The following AUTS2 variants were observed in gnomAD, a reference collection of about 807,000 sequenced individuals.
AUTS2 encodes activator of transcription and developmental regulator AUTS2.
In AUTS2, 17 loss-of-function variants were observed where a neutral mutation model predicts 112.4. The ratio of observed to expected loss-of-function variants is 0.15; its 90% CI spans 0.10 to 0.23. The LOEUF (loss-of-function observed/expected upper bound fraction) is 0.23. Among genes scored for constraint, AUTS2 ranks in the 10% least tolerant of loss-of-function variants. The pLI is 1.00. For missense variants in AUTS2, 1,510 were observed against 1,701.6 expected, an observed-to-expected ratio of 0.89 and a Z score of 1.98; for synonymous variants, 751 against 702.7, an observed-to-expected ratio of 1.07 and a Z score of -1.09.
At chr7:69,807,807 C>T (rs563568482) in intron 1 of AUTS2, among the ~76,000 whole-genome samples, 5 of 152,104 alleles carry the variant, frequency 3.3e-5, no homozygotes, top group Admixed American at 6.5e-5. Context: ...GTTTTACCAG[C>T]GTGACTGATT....
intron 5 of AUTS2, among the ~76,000 whole-genome samples, chr7:70,560,967 C>A (rs1801461818): frequency 6.6e-6 from 1 of 152,102 alleles, no homozygotes; most frequent in East Asian, 1.9e-4. Context: ...GGATGTAAAT[C>A]ATCGTATTGG....
At chr7:70,444,323 T>G (rs965831725) in intron 5 of AUTS2, among the ~76,000 whole-genome samples, 30 of 150,732 alleles carry the variant, frequency 2.0e-4, no homozygotes, top group African/African-American at 7.3e-4. Flanking sequence ...TCAATGAAGA[T>G]AGAACTTTTT....
intron 6 of AUTS2, 33 bp from the exon 7 acceptor site, chr7:70,762,837 C>T (rs1563179791): frequency 6.8e-7 from 1 of 1,467,630 alleles, no homozygotes; most frequent in Non-Finnish European, 9.5e-7. Flanking sequence ...CATGTCATTG[C>T]CTGTGGTTTT....
chr7:69,813,366 G>A (rs1354753710), intron 1 of AUTS2, among the ~76,000 whole-genome samples: 1 of 152,142 alleles, frequency 6.6e-6, no homozygotes, highest in Non-Finnish European at 1.5e-5. Flanking sequence ...TTGTGAATAA[G>A]CATTGCCCAG....
At chr7:70,771,498 C>G in intron 10 of AUTS2, 51 bp from the exon 11 acceptor site, 4 of 1,474,754 alleles carry the variant, frequency 2.7e-6, no homozygotes, top group Non-Finnish European at 3.8e-6. Flanking sequence ...TTGAATATGT[C>G]ACTTGCCTCC....
intron 6 of AUTS2, among the ~76,000 whole-genome samples, chr7:70,707,264 G>A (rs1184960011): frequency 6.6e-6 from 1 of 152,172 alleles, no homozygotes; most frequent in Admixed American, 6.5e-5. Flanking sequence ...TGAATAGCTA[G>A]CATTTATTGA....
chr7:69,967,220 G>A (rs1797667086), intron 2 of AUTS2, among the ~76,000 whole-genome samples: 1 of 152,106 alleles, frequency 6.6e-6, no homozygotes, highest in African/African-American at 2.4e-5. Context: ...AATAATGTTT[G>A]GCCAGGTGTT....
intron 4 of AUTS2, among the ~76,000 whole-genome samples, chr7:70,236,435 G>A (rs1479178909): frequency 6.6e-6 from 1 of 152,072 alleles, no homozygotes; most frequent in Admixed American, 6.6e-5. Flanking sequence ...ATTTTGGGGG[G>A]AACTAAAAAG....
intron 1 of AUTS2, among the ~76,000 whole-genome samples, chr7:69,874,294 G>T (rs1269782424): frequency 2.6e-5 from 4 of 152,172 alleles, no homozygotes; most frequent in Non-Finnish European, 4.4e-5. Context: ...AGTTTAGCAT[G>T]TCTGGAGTAT....
intron 4 of AUTS2, among the ~76,000 whole-genome samples, chr7:70,306,432 G>A (rs940605311): frequency 6.6e-6 from 1 of 152,164 alleles, no homozygotes; most frequent in African/African-American, 2.4e-5. Context: ...CTTTAGTTGG[G>A]CATGACAAGA....
At chr7:70,130,686 A>G (rs1584767133) in intron 3 of AUTS2, among the ~76,000 whole-genome samples, 1 of 100,748 alleles carries the variant, frequency 9.9e-6, no homozygotes, top group African/African-American at 3.5e-5. Context: ...GTCAAATATG[A>G]AAAAAAAAAA....
In AUTS2 at chr7:70,633,899, G is replaced by A. The variant is rs185374022; in HGVS notation, c.691-64670G>A. Among the ~76,000 whole-genome samples, 207 of 152,196 alleles carry A rather than the reference G, an allele frequency of 1.4e-3. 3 individuals carry two copies. The highest frequency in any genetic ancestry group is 4.7e-3 in the African/African-American group (194 of 41,502). Reference sequence around the variant, plus strand: ...ATGTGGAGAAATGTTCATCATTGTCGGATGCTGGTGAAGGGTGATGGCTGT... The same window carrying A: ...ATGTGGAGAAATGTTCATCATTGTCAGATGCTGGTGAAGGGTGATGGCTGT... On this transcript the variant is annotated intron_variant, in intron 5 of 18. Coordinates refer to ENST00000342771, the MANE Select transcript of AUTS2 (RefSeq NM_015570.4).
chr7:70,109,966 C>G (rs1485754837), intron 2 of AUTS2, among the ~76,000 whole-genome samples: 2 of 152,190 alleles, frequency 1.3e-5, no homozygotes, highest in Non-Finnish European at 2.9e-5. Flanking sequence ...CTGCCTTTTA[C>G]ACTTCCATTT....
At chr7:69,774,664 A>AAT (rs1788817639) in intron 1 of AUTS2, among the ~76,000 whole-genome samples, 2 of 152,354 alleles carry the variant, frequency 1.3e-5, no homozygotes, top group South Asian at 2.1e-4. Flanking sequence ...AGGTGATAGA[A>AAT]ATATATATCT....
At chr7:70,383,243 C>T (rs141661644) in intron 4 of AUTS2, among the ~76,000 whole-genome samples, 3 of 152,096 alleles carry the variant, frequency 2.0e-5, no homozygotes, top group Non-Finnish European at 2.9e-5. Context: ...TTAGCACAGT[C>T]TTGTAAAATG....
Position 69,767,065 on chromosome 7 carries a change from G to A in AUTS2, c.310-132221G>A, listed in dbSNP as rs371616995. 3.1e-4 allele frequency among the ~76,000 whole-genome samples: 47 copies of A among 152,352 alleles called. 1 individual carries two copies. The highest frequency in any genetic ancestry group is 8.3e-4 in the South Asian group (4 of 4,832). Reference sequence around the variant, plus strand: ...AGCTGCCCATAGGTCGCGCATGTGCGCACGTTTGTACGTGTGTGTGTTGAG... The same window carrying A: ...AGCTGCCCATAGGTCGCGCATGTGCACACGTTTGTACGTGTGTGTGTTGAG... On this transcript the variant is annotated intron_variant, in intron 1 of 18. Coordinates refer to ENST00000342771, the MANE Select transcript of AUTS2 (RefSeq NM_015570.4).
At chr7:70,653,168 T>G (rs1250100632) in intron 5 of AUTS2, among the ~76,000 whole-genome samples, 1 of 152,168 alleles carries the variant, frequency 6.6e-6, no homozygotes. Context: ...GACAGGAGGA[T>G]TGCTTTCGAG....
intron 1 of AUTS2, among the ~76,000 whole-genome samples, chr7:69,866,304 A>G (rs1793229239): frequency 6.6e-6 from 1 of 152,078 alleles, no homozygotes; most frequent in Non-Finnish European, 1.5e-5. Context: ...GTCTTTTACT[A>G]ACTTTTCCTT....
intron 2 of AUTS2, among the ~76,000 whole-genome samples, chr7:70,110,765 T>C (rs1805032061): frequency 6.6e-6 from 1 of 151,950 alleles, no homozygotes; most frequent in South Asian, 2.1e-4. Context: ...CCAAAAATCC[T>C]GTTTCTTACT....
Sources: allele counts gnomAD v4.1 joint callset (sites outside exome capture counted in the v4.1 genomes callset), GRCh38; gene constraint gnomAD v4.1.1; transcripts MANE v1.5; gene names NCBI Gene and HGNC (gene_info 2026-07-23, HGNC 2026-07-21).